FRMD4B: variants seen among roughly 807,000 people sequenced by gnomAD.
The protein encoded by FRMD4B is FERM domain containing 4B, also known as FERM domain-containing protein 4B.
FRMD4B carries 74 observed loss-of-function variants against 141.5 expected under a neutral mutation model. The ratio of observed to expected loss-of-function variants is 0.52; its 90% CI spans 0.43 to 0.63. The LOEUF (loss-of-function observed/expected upper bound fraction) is 0.63, where lower values mean the gene tolerates loss of function less well. Among genes scored for constraint, FRMD4B ranks in the 30% least tolerant of loss-of-function variants. The probability of loss-of-function intolerance (pLI) is 0.00; values close to 1 mark genes in which losing one functional copy is unlikely to be tolerated. For missense variants in FRMD4B, 1,366 were observed against 1,253.4 expected (o/e 1.09, Z -1.36); for synonymous variants, 506 against 467.9 (o/e 1.08, Z -1.05).
intron 1 of FRMD4B, among the ~76,000 whole-genome samples, chr3:69,440,248 A>G (rs1705323213): frequency 1.3e-5 from 2 of 152,150 alleles, no homozygotes; most frequent in African/African-American, 2.4e-5. Flanking sequence ...CTGTTATGTA[A>G]GAATCTGATT....
chr3:69,240,993 T>C (rs1303092324), intron 7 of FRMD4B, among the ~76,000 whole-genome samples: 3 of 152,330 alleles, frequency 2.0e-5, no homozygotes, highest in Admixed American at 2.0e-4. Flanking sequence ...CCAAGTATGC[T>C]GAGTTTCATT....
intron 1 of FRMD4B, among the ~76,000 whole-genome samples, chr3:69,382,727 CTTTTTT>C (rs5849898): frequency 7.5e-6 from 1 of 133,108 alleles, no homozygotes. Flanking sequence ...TAAACTGGGA[CTTTTTT>C]TTTTTTTTTT....
chr3:69,410,983 G>C (rs1234888567), intron 2 of FRMD4B, among the ~76,000 whole-genome samples: 2 of 151,866 alleles, frequency 1.3e-5, no homozygotes, highest in African/African-American at 4.8e-5. Context: ...AAGCCATAAG[G>C]GGTCAGCCAA....
rs116991987 is a variant in FRMD4B, at chr3:69,205,758, G to C, written c.877-6984C>G. Among the ~76,000 whole-genome samples, 563 of 152,312 alleles carry C rather than the reference G, an allele frequency of 3.7e-3. 15 individuals are homozygous for C. In the East Asian group the frequency reaches 0.075, roughly 20 times the overall value. On this transcript the variant is annotated intron_variant, in intron 11 of 22. Transcript: ENST00000398540. ...TGGCCCTAAATGTCTATGGTGCTGA[G>C]ATTGGGAAACCCTGACTTACAGGAT...
chr3:69,387,257 C>T (rs1027781962), upstream of FRMD4B, among the ~76,000 whole-genome samples: 2 of 152,070 alleles, frequency 1.3e-5, no homozygotes, highest in Non-Finnish European at 2.9e-5. Flanking sequence ...ACCTCAGCCA[C>T]GGGGACTACA....
At chr3:69,207,637 G>A (rs955639795) in intron 11 of FRMD4B, among the ~76,000 whole-genome samples, 8 of 151,938 alleles carry the variant, frequency 5.3e-5, no homozygotes, top group South Asian at 2.1e-4. Flanking sequence ...GTGAAACCCC[G>A]TCTCTACTAA....
chr3:69,374,638 A>G (rs1703916999), intron 1 of FRMD4B, among the ~76,000 whole-genome samples: 1 of 152,188 alleles, frequency 6.6e-6, no homozygotes, highest in Non-Finnish European at 1.5e-5. Context: ...GGAGGAAGAA[A>G]ATTTAACAAT....
intron 12 of FRMD4B, chr3:69,197,828 A>C (rs1206130059): frequency 1.3e-5 from 2 of 152,280 alleles, no homozygotes; most frequent in African/African-American, 4.8e-5. Flanking sequence ...AAAAGTACCC[A>C]CTAAGGACTG....
intron 5 of FRMD4B, among the ~76,000 whole-genome samples, chr3:69,261,946 C>T (rs970797164): frequency 6.6e-6 from 1 of 151,086 alleles, no homozygotes. Context: ...GCTGGGATTA[C>T]AGGCTGAGCC....
At chr3:69,220,269 G>C (rs953424735) in intron 9 of FRMD4B, among the ~76,000 whole-genome samples, 2 of 152,160 alleles carry the variant, frequency 1.3e-5, no homozygotes, top group Non-Finnish European at 1.5e-5. Context: ...CTGAAATACT[G>C]TAGGCAATTA....
At chr3:69,204,627 G>A (rs1297666379) in intron 11 of FRMD4B, among the ~76,000 whole-genome samples, 4 of 152,074 alleles carry the variant, frequency 2.6e-5, no homozygotes, top group Non-Finnish European at 4.4e-5. Flanking sequence ...CAGAATTATA[G>A]GCTTCTATAA....
chr3:69,455,754 A>C (rs903729026), intron 1 of FRMD4B, among the ~76,000 whole-genome samples: 1 of 152,218 alleles, frequency 6.6e-6, no homozygotes, highest in Non-Finnish European at 1.5e-5. Context: ...AATTTTATGC[A>C]ACACTTTGTA....
chr3:69,194,514 G>A (rs2092877451), intron 16 of FRMD4B, among the ~76,000 whole-genome samples: 1 of 152,196 alleles, frequency 6.6e-6, no homozygotes, highest in Non-Finnish European at 1.5e-5. Flanking sequence ...CTGATGACAT[G>A]CAAATGAGAA....
At position 69,362,700 on chromosome 3, in the gene FRMD4B, A is replaced by ACC. The variant is rs71115686; in HGVS notation, c.162+23126_162+23127dup. The stretch of plus-strand genomic sequence containing the variant: ...TCAAAACAACAACAACAAAAAGCCA[A>ACC]CCCCCCCCCCAAAAAAACAAACAAA... On this transcript the variant is annotated intron_variant, in intron 1 of 22. Transcript: ENST00000398540. 5.1e-3 allele frequency among the ~76,000 whole-genome samples: 722 copies of ACC among 142,714 alleles called. 8 individuals are homozygous for ACC. The highest frequency in any genetic ancestry group is 0.011 in the Middle Eastern group (3 of 274). 93.6% of individuals were successfully genotyped at this position (142,714 alleles called of 152,430 possible). A position where few individuals can be genotyped will look rare whatever the true frequency, so the allele number is the denominator to read the frequency against.
intron 1 of FRMD4B, among the ~76,000 whole-genome samples, chr3:69,321,780 C>T (rs1702006837): frequency 6.6e-6 from 1 of 151,980 alleles, no homozygotes; most frequent in South Asian, 2.1e-4. Context: ...AGTGGCACAA[C>T]CATGACTCAC....
intron 4 of FRMD4B, among the ~76,000 whole-genome samples, chr3:69,290,297 G>C (rs534309016): frequency 1.3e-5 from 2 of 152,272 alleles, no homozygotes; most frequent in African/African-American, 4.8e-5. Flanking sequence ...GGTGAGGAGG[G>C]ATTCAGTGGA....
At chr3:69,211,568 C>T (rs866111695) in intron 11 of FRMD4B, among the ~76,000 whole-genome samples, 21 of 152,216 alleles carry the variant, frequency 1.4e-4, no homozygotes, top group African/African-American at 4.8e-4. Context: ...CTTGGAACAA[C>T]TCCTTTTCAA....
chr3:69,455,480 T>C (rs563745870), intron 1 of FRMD4B, among the ~76,000 whole-genome samples: 1 of 152,200 alleles, frequency 6.6e-6, no homozygotes, highest in East Asian at 1.9e-4. Flanking sequence ...TTGAGAGCTG[T>C]AAGGCTCACC....
intron 1 of FRMD4B, among the ~76,000 whole-genome samples, chr3:69,344,375 G>GCTCT (rs1471819041): frequency 6.6e-6 from 1 of 152,194 alleles, no homozygotes; most frequent in East Asian, 1.9e-4. Flanking sequence ...AGGAAAGGAA[G>GCTCT]GGAAAGAGGG....
Sources: gnomAD v4.1 joint callset for allele counts (sites outside exome capture counted in the v4.1 genomes callset) on GRCh38, gnomAD v4.1.1 for gene constraint, MANE v1.5 for transcripts, NCBI Gene and HGNC (gene_info 2026-07-23, HGNC 2026-07-21) for gene names.